Variants in CD82 observed in about 807,000 individuals in gnomAD.
The protein encoded by CD82 is CD82 molecule.
Under a neutral mutation model 37.4 loss-of-function variants are expected in CD82, and 36 were observed. That is an observed-to-expected ratio of 0.96 (90% CI 0.74 to 1.27). The LOEUF is 1.27. Among genes scored for constraint, CD82 ranks in the 50% most tolerant of loss-of-function variants. The pLI is 0.00. For synonymous variants in CD82, 158 were observed against 137.4 expected, an observed-to-expected ratio of 1.15 and a Z score of -1.05; for missense variants, 340 against 347.0, an observed-to-expected ratio of 0.98 and a Z score of 0.16.
rs1853548301 is a variant in CD82, at chr11:44,615,347, G to A, written c.412G>A (p.Asp138Asn). ...CAGCAGTCGCGAGGACAGCCTGCAG[G>A]ATGCCTGGGACTACGTGCAGGCTCA... ...YNSSREDSLQ[D>N]AWDYVQAQVK... The change falls in exon 7 of 10, where the codon GAT becomes AAT. Residue 138 changes from aspartate (D) to asparagine (N), a missense_variant. Physicochemically the swap from Asp to Asn is conservative, Grantham distance 23. Transcript: ENST00000227155. 17 of 1,613,302 alleles carry A rather than the reference G, an allele frequency of 1.1e-5. No homozygotes were observed. Among genetic ancestry groups the A allele is most frequent in the Non-Finnish European group, 1.4e-5 (16 of 1,179,246 alleles).
chr11:44,564,897 T>C (rs887672607), upstream of CD82, among the ~76,000 whole-genome samples: 4 of 152,188 alleles, frequency 2.6e-5, no homozygotes, highest in South Asian at 2.1e-4. Flanking sequence ...ATTAGTAAAA[T>C]AGGCGCAACG....
At chr11:44,594,159 A>G (rs4755849) in intron 2 of CD82, among the ~76,000 whole-genome samples, 108,467 of 152,142 alleles carry the variant, frequency 0.71, 39,173 homozygotes, top group South Asian at 0.82. Flanking sequence ...CGCTCAGCCT[A>G]TTTTCTGAGA....
Position 44,618,267 on chromosome 11 carries a change from G to A in CD82, c.544G>A (p.Glu182Lys), listed in dbSNP as rs1470193473. 5 of 1,614,024 alleles carry A rather than the reference G, an allele frequency of 3.1e-6. No homozygotes were observed. The highest frequency in any genetic ancestry group is 3.4e-6 in the Non-Finnish European group (4 of 1,180,054). ...CTGTTCCTGCGAAGTCAAGGGGGAA[G>A]AGGACAACAGCCTTTCTGTGAGGAA... ...YPCSCEVKGEEDNSLSVRKGF... is the reference protein window; with the variant it reads ...YPCSCEVKGEKDNSLSVRKGF... Residue 182 changes from glutamate to lysine, a missense_variant, in exon 8 of 10, where the codon GAG becomes AAG. Coordinates refer to ENST00000227155, the MANE Select transcript of CD82 (RefSeq NM_002231.4).
chr11:44,606,763 G>A (rs1437982069), intron 6 of CD82: 1 of 152,322 alleles, frequency 6.6e-6, no homozygotes, highest in Non-Finnish European at 1.5e-5. Flanking sequence ...TGGAGAAGCA[G>A]ATGCTCTGAG....
At chr11:44,575,335 T>G (rs1427804003) in intron 1 of CD82, among the ~76,000 whole-genome samples, 1 of 152,170 alleles carries the variant, frequency 6.6e-6, no homozygotes, top group Admixed American at 6.5e-5. Context: ...TTTAATGACC[T>G]CTCCCCACAG....
chr11:44,615,766 G>A (rs1400638221), intron 7 of CD82, among the ~76,000 whole-genome samples: 1 of 152,200 alleles, frequency 6.6e-6, no homozygotes, highest in East Asian at 1.9e-4. Context: ...GGGAGGTGTT[G>A]GGGAGCCTTC....
chr11:44,575,057 G>A (rs960950534), intron 1 of CD82, among the ~76,000 whole-genome samples: 13 of 152,198 alleles, frequency 8.5e-5, no homozygotes, highest in African/African-American at 2.9e-4. Context: ...AAGGTCAGAG[G>A]ACCAGAATCT....
At chr11:44,617,560 G>GAAAA (rs35015542) in intron 7 of CD82, among the ~76,000 whole-genome samples, 3 of 88,656 alleles carry the variant, frequency 3.4e-5, no homozygotes, top group African/African-American at 9.3e-5. Context: ...CTCTGTCTCA[G>GAAAA]AAAAAAAAAA....
chr11:44,607,412 G>A (rs1051385976), intron 6 of CD82, among the ~76,000 whole-genome samples: 1 of 152,158 alleles, frequency 6.6e-6, no homozygotes, highest in Non-Finnish European at 1.5e-5. Flanking sequence ...TGGTCATGGG[G>A]TCAGGTCTTC....
intron 4 of CD82, among the ~76,000 whole-genome samples, chr11:44,604,272 T>C (rs1565091312): frequency 6.6e-6 from 1 of 152,244 alleles, no homozygotes; most frequent in Admixed American, 6.5e-5. Context: ...CCAGTAAACA[T>C]TTCTTGGCCG....
At chr11:44,598,893 CAT>C (rs1379447881) in intron 3 of CD82, among the ~76,000 whole-genome samples, 1 of 152,192 alleles carries the variant, frequency 6.6e-6, no homozygotes, top group Non-Finnish European at 1.5e-5. Context: ...CAAGACGGGT[CAT>C]CCACCAGGTG....
At chr11:44,590,391 G>A (rs1203945075) in intron 2 of CD82, among the ~76,000 whole-genome samples, 3 of 151,386 alleles carry the variant, frequency 2.0e-5, no homozygotes, top group Admixed American at 6.6e-5. Context: ...GGTGGATCAC[G>A]AGGTCAGGAG....
intron 7 of CD82, among the ~76,000 whole-genome samples, chr11:44,617,943 C>T (rs1408895865): frequency 1.3e-5 from 2 of 152,216 alleles, no homozygotes; most frequent in South Asian, 2.1e-4. Flanking sequence ...CACCTGCGCT[C>T]CTTCAACTTG....
chr11:44,615,110 G>C (rs1264463481), intron 6 of CD82, among the ~76,000 whole-genome samples, 162 bp from the exon 7 acceptor site: 1 of 152,164 alleles, frequency 6.6e-6, no homozygotes, highest in Non-Finnish European at 1.5e-5. Flanking sequence ...GGTTGGCACT[G>C]CCTGCATCGG....
Position 44,597,083 on chromosome 11 carries a change from G to T in CD82, c.63+2358G>T. 1 of 452,912 alleles carries T rather than the reference G, an allele frequency of 2.2e-6. No homozygotes were observed. The highest frequency in any genetic ancestry group is 4.4e-6 in the Non-Finnish European group (1 of 225,898). The allele number at this position is 452,912 out of a possible 1,614,324, so 28.1% of individuals were successfully genotyped here. ...CCCCAGGCATAGACCCGGCCAGCCT[G>T]CCTCTTTGTTTTATGCACATTGGGA... On this transcript the variant is annotated intron_variant, in intron 3 of 9. Coordinates refer to ENST00000227155, the MANE Select transcript of CD82 (RefSeq NM_002231.4). The surrounding 1 kb of genome is among the most constrained non-coding windows in gnomAD (Gnocchi z 4.1).
intron 2 of CD82, among the ~76,000 whole-genome samples, 166 bp from the exon 3 acceptor site, chr11:44,594,477 C>T (rs1368843331): frequency 1.3e-5 from 2 of 152,148 alleles, no homozygotes; most frequent in African/African-American, 4.8e-5. Context: ...CAAGACTGCT[C>T]GTGGGACCTC....
intron 2 of CD82, 101 bp downstream of exon 2, chr11:44,587,657 G>C (rs1853077091): frequency 2.2e-6 from 1 of 446,256 alleles, no homozygotes; most frequent in African/African-American, 2.0e-5. Flanking sequence ...TGTTCAGTCT[G>C]AGCCACCAGG....
chr11:44,594,784 C>T, intron 3 of CD82, 59 bp downstream of exon 3: 2 of 1,443,194 alleles, frequency 1.4e-6, no homozygotes, highest in Non-Finnish European at 2.0e-6. Context: ...CCAGGGGCAT[C>T]CCAGCCTGAG....
intron 6 of CD82, 62 bp downstream of exon 6, chr11:44,605,491 G>A (rs1853381083): frequency 6.7e-7 from 1 of 1,500,138 alleles, no homozygotes; most frequent in Non-Finnish European, 9.3e-7. Flanking sequence ...GATTGACTGA[G>A]TGTGGGGGAT....
Sources: gnomAD v4.1 joint callset for allele counts (sites outside exome capture counted in the v4.1 genomes callset) on GRCh38, gnomAD v4.1.1 for gene constraint, Gnocchi (gnomAD v3.1) non-coding constraint, MANE v1.5 for transcripts, NCBI Gene and HGNC (gene_info 2026-07-23, HGNC 2026-07-21) for gene names.